Variants in SLC36A3 observed in about 807,000 individuals in gnomAD.
SLC36A3 encodes the protein solute carrier family 36 member 3, also known as proton-coupled amino acid transporter 3.
SLC36A3 carries 35 observed loss-of-function variants against 44.3 expected under a neutral mutation model. The ratio of observed to expected loss-of-function variants is 0.79; its 90% CI spans 0.60 to 1.05. The LOEUF is 1.05. Among genes scored for constraint, SLC36A3 ranks in the 50% least tolerant of loss-of-function variants. SLC36A3 has a pLI of 0.00. For missense variants in SLC36A3, 540 were observed against 578.7 expected (o/e 0.93, Z 0.69); for synonymous variants, 211 against 227.6 (o/e 0.93, Z 0.66).
chr5:151,292,585 G>A (rs553360162), intron 4 of SLC36A3, among the ~76,000 whole-genome samples: 10 of 152,348 alleles, frequency 6.6e-5, no homozygotes, highest in East Asian at 1.9e-4. Flanking sequence ...TTTGTACACC[G>A]TTAACTTTTT....
intron 1 of SLC36A3, among the ~76,000 whole-genome samples, chr5:151,299,264 C>CTATATATATATA (rs66776978): frequency 6.2e-4 from 37 of 59,632 alleles, no homozygotes; most frequent in East Asian, 3.6e-3. Flanking sequence ...CTCTCTCTCT[C>CTATATATATATA]TATATATATA....
chr5:151,280,147 GAA>G (rs1754252748), intron 9 of SLC36A3, among the ~76,000 whole-genome samples: 1 of 149,718 alleles, frequency 6.7e-6, no homozygotes, highest in Admixed American at 6.6e-5. Flanking sequence ...AGGGAAGAGA[GAA>G]GAGTACAGCC....
chr5:151,299,264 C>CTCTCTCTCTCTCTATATATA (rs1372309288), intron 1 of SLC36A3, among the ~76,000 whole-genome samples: 38 of 59,640 alleles, frequency 6.4e-4, no homozygotes, highest in South Asian at 1.5e-3. Context: ...CTCTCTCTCT[C>CTCTCTCTCTCTCTATATATA]TATATATATA....
intron 2 of SLC36A3, 88 bp downstream of exon 2, chr5:151,298,505 C>A: frequency 7.7e-7 from 1 of 1,298,362 alleles, no homozygotes; most frequent in Non-Finnish European, 1.1e-6. Flanking sequence ...CCAAATTGCC[C>A]ATTGATAACA....
At chr5:151,293,234 C>T (rs182182996) in intron 4 of SLC36A3, 130 bp downstream of exon 4, 50 of 750,650 alleles carry the variant, frequency 6.7e-5, no homozygotes, top group Admixed American at 2.9e-5. Flanking sequence ...ATGGGGTTAT[C>T]GAGGTGATTC....
At chr5:151,296,090 G>T in intron 3 of SLC36A3, 90 bp downstream of exon 3, 1 of 1,238,770 alleles carries the variant, frequency 8.1e-7, no homozygotes, top group South Asian at 1.2e-5. Context: ...TGGAGCAGTG[G>T]CCGAATTAAT....
chr5:151,291,922 G>A (rs1754771181), intron 4 of SLC36A3, among the ~76,000 whole-genome samples: 1 of 152,108 alleles, frequency 6.6e-6, no homozygotes, highest in African/African-American at 2.4e-5. Context: ...GTGCAATGGT[G>A]CGATCTCGGC....
intron 3 of SLC36A3, 96 bp downstream of exon 3, chr5:151,296,084 G>T: frequency 8.9e-7 from 1 of 1,124,572 alleles, no homozygotes; most frequent in Non-Finnish European, 1.3e-6. Context: ...GTGGCCTGGA[G>T]CAGTGGCCGA....
chr5:151,301,384 A>G (rs35183154), intron 1 of SLC36A3, among the ~76,000 whole-genome samples: 1 of 152,188 alleles, frequency 6.6e-6, no homozygotes, highest in Non-Finnish European at 1.5e-5. Context: ...ATCACATTGT[A>G]AAACCTAAGA....
rs1561640262 is a variant in SLC36A3 at position 151,298,594 on chromosome 5, A to G, written c.218T>C (p.Leu73Ser). 1 of 1,614,178 alleles carries G rather than the reference A, an allele frequency of 6.2e-7. No individual in the cohort carries two copies. Among genetic ancestry groups the G allele is most frequent in the Non-Finnish European group, 8.5e-7 (1 of 1,180,014 alleles). Residue 73 changes from leucine to serine, a missense_variant and splice_region_variant, in exon 2 of 10, where the codon TTG (leucine) becomes TCG (serine). Physicochemically the swap from Leu to Ser is moderately radical, Grantham distance 145. Transcript: ENST00000335230. ...LPLAIKNAGL[L>S]VGPVSLLAIG... ...TCCCATCCCACAGATGCCTCTTACC[A>G]ACAAGCCGGCATTCTTTATGGCCAG...
intron 1 of SLC36A3, among the ~76,000 whole-genome samples, chr5:151,300,650 C>T (rs761174928): frequency 8.5e-5 from 13 of 152,206 alleles, no homozygotes; most frequent in Non-Finnish European, 1.3e-4. Context: ...GGAGGAACCA[C>T]TGTGCCTTAG....
At position 151,293,671 on chromosome 5, in the gene SLC36A3, T is replaced by C. The variant is rs193243696; in HGVS notation, c.309-212A>G. On this transcript the variant is annotated intron_variant, in intron 3 of 9. Transcript: ENST00000335230. ...ATCCCTTTAAGCACAAATATTTAAC[T>C]GACTATCATTGGATTTATTCTTCTT... 3.0e-3 allele frequency among the ~76,000 whole-genome samples: 460 copies of C among 152,370 alleles called. 1 individual carries two copies. The highest frequency in any genetic ancestry group is 0.01 in the Middle Eastern group (3 of 294).
chr5:151,284,284 G>T, intron 7 of SLC36A3, 74 bp from the exon 8 acceptor site: 1 of 1,427,702 alleles, frequency 7.0e-7, no homozygotes, highest in South Asian at 1.4e-5. Context: ...GAGGGTTCCC[G>T]TACAAGCACA....
At position 151,303,629 on chromosome 5, in the gene SLC36A3, C is replaced by T; in HGVS notation, c.-275G>A. The T allele has an allele frequency of 5.5e-6, 2 of 366,154 alleles. No individual in the cohort carries two copies. Among genetic ancestry groups the T allele is most frequent in the Non-Finnish European group, 5.0e-6 (1 of 201,570 alleles). The allele number at this position is 366,154 out of a possible 1,614,324, so 22.7% of individuals were successfully genotyped here. ...CCTCAGTTTCACTCGCAATTGCTTG[C>T]CCAACCAGGACTTGCCTGGGCTTTT... On this transcript the variant is annotated 5_prime_UTR_variant, in exon 1 of 10. Coordinates refer to ENST00000335230, the MANE Select transcript of SLC36A3 (RefSeq NM_181774.4).
intron 1 of SLC36A3, among the ~76,000 whole-genome samples, chr5:151,300,004 A>G (rs184594970): frequency 9.1e-4 from 138 of 152,352 alleles, no homozygotes; most frequent in Non-Finnish European, 1.6e-3. Context: ...AATTGGGATG[A>G]TAGGAAAAAG....
At position 151,303,217 on chromosome 5, in the gene SLC36A3, G is replaced by A. The variant is rs1445816594; in HGVS notation, c.128+10C>T. ...GACCTCAGGCCTGGAAGGGCGGTGC[G>A]GCCACTTACGATAGTCCAGCTTCTC... On this transcript the variant is annotated intron_variant, in intron 1 of 9. Transcript: ENST00000335230. 1.7e-5 allele frequency: 27 copies of A among 1,608,528 alleles called. No individual in the cohort carries two copies. The highest frequency in any genetic ancestry group is 2.7e-5 in the African/African-American group (2 of 74,834).
chr5:151,280,377 C>T (rs1332627411), intron 9 of SLC36A3, among the ~76,000 whole-genome samples: 1 of 152,162 alleles, frequency 6.6e-6, no homozygotes, highest in East Asian at 1.9e-4. Flanking sequence ...TCTCTTGAAC[C>T]TGGGAGGCAG....
At chr5:151,299,378 T>C (rs1178338363) in intron 1 of SLC36A3, among the ~76,000 whole-genome samples, 1 of 143,414 alleles carries the variant, frequency 7.0e-6, no homozygotes, top group Non-Finnish European at 1.5e-5. Flanking sequence ...TGGTGATATA[T>C]ATATATATAT....
At chr5:151,293,878 G>A (rs760955386) in intron 3 of SLC36A3, among the ~76,000 whole-genome samples, 2 of 144,698 alleles carry the variant, frequency 1.4e-5, no homozygotes, top group Non-Finnish European at 2.9e-5. Flanking sequence ...CCTCACAAAG[G>A]TGATACTCGG....
Sources: allele counts gnomAD v4.1 joint callset (sites outside exome capture counted in the v4.1 genomes callset), GRCh38; gene constraint gnomAD v4.1.1; transcripts MANE v1.5; gene names NCBI Gene and HGNC (gene_info 2026-07-23, HGNC 2026-07-21).